Variants in HYDIN observed in about 807,000 individuals in gnomAD.
HYDIN encodes the protein axonemal central pair apparatus protein HYDIN.
A neutral mutation model predicts 403.9 loss-of-function variants in HYDIN; 132 were observed. That is an observed-to-expected ratio of 0.33 (90% CI 0.28 to 0.38). The LOEUF is 0.38. Ranked by LOEUF, HYDIN falls within the 10% of genes least tolerant of loss-of-function variation. HYDIN has a pLI of 1.00. For missense variants in HYDIN, 2,827 were observed against 5,009.5 expected, an observed-to-expected ratio of 0.56 and a Z score of 13.15; for synonymous variants, 1,202 against 1,891.7, an observed-to-expected ratio of 0.64 and a Z score of 9.46.
intron 10 of HYDIN, among the ~76,000 whole-genome samples, chr16:71,108,245 A>T (rs901564656): frequency 5.9e-5 from 9 of 152,148 alleles, no homozygotes; most frequent in African/African-American, 2.2e-4. Context: ...GTGTGACAAA[A>T]ATCTGTACAA....
Position 70,908,421 on chromosome 16 carries a change from G to A in HYDIN, c.8227C>T (p.Arg2743Trp), listed in dbSNP as rs770976118. ...TCGCCATTGGCTGGCACGATCCACC[G>A]GAAGTGATTCAGTCTGCAAATGACC... ...QEKFTRLNHF[R>W]WIVPANGEVT... The change falls in exon 49 of 86, where the codon CGG becomes TGG. Residue 2743 changes from arginine to tryptophan, a missense_variant. Coordinates refer to ENST00000393567, the MANE Select transcript of HYDIN (RefSeq NM_001270974.2). 4 of 1,171,286 alleles carry A rather than the reference G, an allele frequency of 3.4e-6. No individual in the cohort carries two copies. Among genetic ancestry groups the A allele is most frequent in the Middle Eastern group, 2.9e-4 (1 of 3,456 alleles). 72.6% of individuals were successfully genotyped at this position (1,171,286 alleles called of 1,614,324 possible).
chr16:70,980,818 C>T (rs984768284), intron 29 of HYDIN, among the ~76,000 whole-genome samples: 23 of 152,140 alleles, frequency 1.5e-4, no homozygotes, highest in Non-Finnish European at 3.1e-4. Context: ...AAGGGCTGCT[C>T]AGCTGAGGTT....
intron 41 of HYDIN, among the ~76,000 whole-genome samples, chr16:70,945,197 G>A (rs1423449239): frequency 1.3e-5 from 2 of 152,240 alleles, no homozygotes; most frequent in South Asian, 2.1e-4. Flanking sequence ...TGGTGGTGGC[G>A]AGAAGTGGCT....
intron 45 of HYDIN, among the ~76,000 whole-genome samples, chr16:70,929,979 T>G (rs1041680023): frequency 1.3e-5 from 2 of 152,210 alleles, no homozygotes; most frequent in African/African-American, 2.4e-5. Flanking sequence ...GATTGTCCCA[T>G]ACATAACAGC....
intron 5 of HYDIN, among the ~76,000 whole-genome samples, chr16:71,169,932 C>A (rs539358772): frequency 6.6e-5 from 10 of 152,268 alleles, no homozygotes; most frequent in African/African-American, 2.4e-4. Flanking sequence ...TTGAACACCA[C>A]AAATATATAC....
rs555815277 is a variant in HYDIN at position 70,971,302 on chromosome 16, T to C, written c.5380-543A>G. ...GTGTACTTTGTGTATTTTCCCAGAG[T>C]TTGGCAGAATGCCAGAGCTGGGGCA... is the stretch of plus-strand genomic sequence containing the variant. On this transcript the variant is annotated intron_variant, in intron 35 of 85. Coordinates refer to ENST00000393567, the MANE Select transcript of HYDIN (RefSeq NM_001270974.2). 2.0e-5 allele frequency among the ~76,000 whole-genome samples: 3 copies of C among 152,378 alleles called. No homozygotes were observed. The South Asian group carries it at 6.2e-4, about 32-fold the overall frequency.
intron 18 of HYDIN, among the ~76,000 whole-genome samples, chr16:71,040,182 C>T (rs1309936077): frequency 9.9e-5 from 15 of 152,120 alleles, no homozygotes; most frequent in Admixed American, 9.8e-4. Flanking sequence ...GGTGCCGATG[C>T]GGTTGGCTGG....
At chr16:71,015,509 G>T (rs1032413653) in intron 23 of HYDIN, among the ~76,000 whole-genome samples, 66 of 120,862 alleles carry the variant, frequency 5.5e-4, no homozygotes, top group African/African-American at 2.3e-3. Context: ...CATTAGGTCG[G>T]GTTGGCTGAT....
intron 39 of HYDIN, among the ~76,000 whole-genome samples, chr16:70,956,737 C>A (rs1567903065): frequency 6.6e-6 from 1 of 152,194 alleles, no homozygotes; most frequent in African/African-American, 2.4e-5. Context: ...CCCCCAGATC[C>A]TCCAAGAAGG....
chr16:71,135,806 T>G (rs2084895670), intron 8 of HYDIN, among the ~76,000 whole-genome samples: 1 of 145,388 alleles, frequency 6.9e-6, no homozygotes, highest in Non-Finnish European at 1.5e-5. Flanking sequence ...TCCTCATTTT[T>G]TAAAAGATGG....
At position 71,094,229 on chromosome 16, in the gene HYDIN, G is replaced by T. The variant is rs551196530; in HGVS notation, c.1328-294C>A. ...ATATATTTATTTACATTTTAAAGAG[G>T]GATTTACTTGAGAAACATATAAAAA... On this transcript the variant is annotated intron_variant, in intron 10 of 85. Transcript: ENST00000393567. 2.9e-3 allele frequency among the ~76,000 whole-genome samples: 446 copies of T among 151,382 alleles called. 2 individuals carry two copies. Among genetic ancestry groups the T allele is most frequent in the Non-Finnish European group, 5.2e-3 (350 of 67,828 alleles).
At position 71,123,130 on chromosome 16, in the gene HYDIN, C is replaced by T. The variant is rs111847025; in HGVS notation, c.1227+6510G>A. Among the ~76,000 whole-genome samples the T allele has an allele frequency of 1.5e-3, 115 of 78,772 alleles. 4 individuals carry two copies. The highest frequency in any genetic ancestry group is 5.6e-3 in the African/African-American group (109 of 19,532). The allele number at this position is 78,772 out of a possible 152,430, so 51.7% of individuals were successfully genotyped here. A position where few individuals can be genotyped will look rare whatever the true frequency, so the allele number is the denominator to read the frequency against. On this transcript the variant is annotated intron_variant, in intron 9 of 85. Coordinates refer to ENST00000393567, the MANE Select transcript of HYDIN (RefSeq NM_001270974.2). ...GCAAAAGCTTGATTCTCTCTTTCTG[C>T]CCTATGATACTCTCGGCTTTTCAAT...
intron 18 of HYDIN, 66 bp downstream of exon 18, chr16:71,060,438 C>G (rs573398371): frequency 2.0e-5 from 12 of 596,556 alleles, no homozygotes; most frequent in Non-Finnish European, 3.6e-5. Context: ...TTTTCAAAGA[C>G]ATGTTGCAAA....
chr16:70,993,034 C>T (rs1347017366), intron 23 of HYDIN, among the ~76,000 whole-genome samples: 1 of 152,110 alleles, frequency 6.6e-6, no homozygotes, highest in East Asian at 1.9e-4. Context: ...CTCATTCTGG[C>T]CCCATCTGTA....
In HYDIN at chr16:70,837,875, A is replaced by G; in HGVS notation, c.13057T>C (p.Tyr4353His). The G allele has an allele frequency of 6.2e-7, 1 of 1,613,740 alleles. No individual in the cohort carries two copies. The change falls in exon 77 of 86, where the codon TAC (tyrosine) becomes CAC (histidine). Residue 4353 changes from tyrosine to histidine, a missense_variant. Tyr to His is a moderately conservative substitution (Grantham distance 83, BLOSUM62 2). Transcript: ENST00000393567. Reference sequence around the variant, plus strand: ...ACCTCGAGGTGAGTGGTGTTGGTGTACAGACAATCTATGCTGCAGAAAATC... The same window carrying G: ...ACCTCGAGGTGAGTGGTGTTGGTGTGCAGACAATCTATGCTGCAGAAAATC... ...EETPMSIDCLYTNTTHLEVNS... is the reference protein window; with the variant it reads ...EETPMSIDCLHTNTTHLEVNS...
chr16:71,036,138 G>A (rs2081079731), intron 18 of HYDIN, among the ~76,000 whole-genome samples: 1 of 152,152 alleles, frequency 6.6e-6, no homozygotes, highest in South Asian at 2.1e-4. Flanking sequence ...ATTTTGAAAG[G>A]TGAAGAGCTT....
rs776891986 is a variant in HYDIN, at chr16:71,064,843, G to T, written c.2076-3C>A. 6.2e-7 allele frequency: 1 copy of T among 1,607,866 alleles called. No homozygotes were observed. Among genetic ancestry groups the T allele is most frequent in the Admixed American group, 1.7e-5 (1 of 58,642 alleles). On this transcript the variant is annotated splice_region_variant and splice_polypyrimidine_tract_variant and intron_variant, in intron 15 of 85. Coordinates refer to ENST00000393567, the MANE Select transcript of HYDIN (RefSeq NM_001270974.2). ...GGTGGAGGGCAGGTACAACACACCT[G>T]CTCGGAGGAGCCCATCACACAATTC...
chr16:71,101,683 T>C (rs1457672090), intron 10 of HYDIN, among the ~76,000 whole-genome samples: 1 of 152,132 alleles, frequency 6.6e-6, no homozygotes, highest in East Asian at 1.9e-4. Flanking sequence ...ATTTTAAAAG[T>C]TGATCAATAC....
intron 57 of HYDIN, among the ~76,000 whole-genome samples, chr16:70,890,761 G>A (rs2041416893): frequency 6.6e-6 from 1 of 152,056 alleles, no homozygotes; most frequent in Non-Finnish European, 1.5e-5. Context: ...AGAACATGGA[G>A]TTTTGCTGTT....
Sources: allele counts gnomAD v4.1 joint callset (sites outside exome capture counted in the v4.1 genomes callset), GRCh38; gene constraint gnomAD v4.1.1; transcripts MANE v1.5; gene names NCBI Gene and HGNC (gene_info 2026-07-23, HGNC 2026-07-21).